The following GABRB1 variants were observed in gnomAD, a reference collection of about 807,000 sequenced individuals.
The protein encoded by GABRB1 is gamma-aminobutyric acid receptor subunit beta-1.
Under a neutral mutation model 51.6 loss-of-function variants are expected in GABRB1, and 17 were observed. The ratio of observed to expected loss-of-function variants is 0.33; its 90% CI spans 0.23 to 0.49. The LOEUF is 0.49. Ranked by LOEUF, GABRB1 falls within the 20% of genes least tolerant of loss-of-function variation. The pLI, the probability that GABRB1 is intolerant of heterozygous loss-of-function variation, is 0.99. For missense variants in GABRB1, 410 were observed against 600.6 expected (o/e 0.68, Z 3.32); for synonymous variants, 247 against 218.9 (o/e 1.13, Z -1.14).
At chr4:47,173,215 G>A (rs1230247773) in intron 4 of GABRB1, among the ~76,000 whole-genome samples, 1 of 152,132 alleles carries the variant, frequency 6.6e-6, no homozygotes, top group Non-Finnish European at 1.5e-5. Flanking sequence ...ATTGAAGAGA[G>A]AAATTTTTTG....
chr4:47,020,033 G>A (rs561198605), intron 1 of GABRB1, among the ~76,000 whole-genome samples: 43 of 151,922 alleles, frequency 2.8e-4, no homozygotes, highest in African/African-American at 8.4e-4. Context: ...CAATCTACCC[G>A]CCTCAGCCTC....
intron 4 of GABRB1, among the ~76,000 whole-genome samples, chr4:47,261,680 T>A (rs1373649998): frequency 1.3e-5 from 2 of 151,770 alleles, no homozygotes; most frequent in Non-Finnish European, 2.9e-5. Context: ...TTCACAGAAT[T>A]GGAAAAAACT....
At chr4:47,162,241 T>C (rs1717988483) in intron 4 of GABRB1, among the ~76,000 whole-genome samples, 2 of 152,062 alleles carry the variant, frequency 1.3e-5, no homozygotes, top group African/African-American at 2.4e-5. Context: ...TCATTAGTTA[T>C]GGTTCATATA....
intron 4 of GABRB1, among the ~76,000 whole-genome samples, chr4:47,298,193 C>T (rs1305368125): frequency 6.6e-6 from 1 of 152,162 alleles, no homozygotes; most frequent in African/African-American, 2.4e-5. Context: ...GACAGGGATG[C>T]CCTCTCTCAC....
At chr4:47,200,534 A>C (rs1719859846) in intron 4 of GABRB1, among the ~76,000 whole-genome samples, 1 of 152,166 alleles carries the variant, frequency 6.6e-6, no homozygotes, top group African/African-American at 2.4e-5. Flanking sequence ...CACACTTTCC[A>C]TTTATAACTA....
intron 4 of GABRB1, among the ~76,000 whole-genome samples, chr4:47,235,082 C>G (rs1290852246): frequency 6.6e-6 from 1 of 152,182 alleles, no homozygotes; most frequent in Non-Finnish European, 1.5e-5. Flanking sequence ...CCTTATTTCT[C>G]CTACCACAAC....
chr4:47,239,793 G>C (rs1721458429), intron 4 of GABRB1, among the ~76,000 whole-genome samples: 1 of 152,200 alleles, frequency 6.6e-6, no homozygotes, highest in African/African-American at 2.4e-5. Flanking sequence ...AGAGTGGATG[G>C]ATGCAGTCGT....
At chr4:47,330,181 C>A (rs964283300) in intron 5 of GABRB1, among the ~76,000 whole-genome samples, 2 of 152,130 alleles carry the variant, frequency 1.3e-5, no homozygotes, top group African/African-American at 4.8e-5. Flanking sequence ...TCAACTCAGG[C>A]CTTCAACTGG....
chr4:47,176,324 G>A (rs1277617798), intron 4 of GABRB1, among the ~76,000 whole-genome samples: 1 of 152,076 alleles, frequency 6.6e-6, no homozygotes, highest in Non-Finnish European at 1.5e-5. Flanking sequence ...ACACATTATA[G>A]AAGGACACAG....
intron 5 of GABRB1, among the ~76,000 whole-genome samples, chr4:47,350,216 T>TAGAGAGAGAGAGAG (rs1215848383): frequency 2.3e-4 from 17 of 73,806 alleles, no homozygotes; most frequent in African/African-American, 9.7e-4. Flanking sequence ...TATATATATA[T>TAGAGAGAGAGAGAG]ATAGAGAGAG....
At chr4:47,359,583 C>T (rs186917899) in intron 5 of GABRB1, among the ~76,000 whole-genome samples, 217 of 152,148 alleles carry the variant, frequency 1.4e-3, no homozygotes, top group African/African-American at 5.0e-3. Flanking sequence ...AATCACAGCA[C>T]CATTATTACA....
At chr4:47,032,267 GT>G in intron 2 of GABRB1, 149 bp from the exon 3 acceptor site, 1 of 807,476 alleles carries the variant, frequency 1.2e-6, no homozygotes, top group Non-Finnish European at 2.0e-6. Flanking sequence ...GCCCACACCT[GT>G]TTTCCCAGGC....
intron 4 of GABRB1, among the ~76,000 whole-genome samples, chr4:47,298,886 C>G (rs1167276589): frequency 1.3e-5 from 2 of 151,854 alleles, no homozygotes; most frequent in Non-Finnish European, 1.5e-5. Context: ...GGTACCAAAA[C>G]AGAGATATAG....
At chr4:47,379,535 G>A (rs908051883) in intron 5 of GABRB1, among the ~76,000 whole-genome samples, 6 of 152,096 alleles carry the variant, frequency 3.9e-5, no homozygotes, top group Admixed American at 6.6e-5. Context: ...TGTATTAAGT[G>A]CATTTTTTAC....
At chr4:47,023,847 G>A (rs1423093118) in intron 1 of GABRB1, among the ~76,000 whole-genome samples, 1 of 151,934 alleles carries the variant, frequency 6.6e-6, no homozygotes, top group Non-Finnish European at 1.5e-5. Context: ...GAGTAAGGGT[G>A]TAAACTAATA....
intron 3 of GABRB1, among the ~76,000 whole-genome samples, chr4:47,114,858 G>A (rs1247485737): frequency 1.3e-5 from 2 of 152,142 alleles, no homozygotes; most frequent in Non-Finnish European, 2.9e-5. Context: ...CTATCTAAGC[G>A]CTGTGTCCTG....
chr4:47,342,582 T>C (rs1014234644), intron 5 of GABRB1, among the ~76,000 whole-genome samples: 4 of 152,168 alleles, frequency 2.6e-5, no homozygotes, highest in Non-Finnish European at 5.9e-5. Context: ...AAAATACAAC[T>C]TATGATTCAA....
chr4:47,003,042 G>A (rs1246355310), intron 1 of GABRB1, among the ~76,000 whole-genome samples: 2 of 151,758 alleles, frequency 1.3e-5, no homozygotes. Context: ...TTTATGGATA[G>A]CATAAGACTC....
chr4:47,382,459 C>T (rs145428489), intron 5 of GABRB1, among the ~76,000 whole-genome samples: 1 of 152,156 alleles, frequency 6.6e-6, no homozygotes, highest in Non-Finnish European at 1.5e-5. Flanking sequence ...TTCTTCTAAG[C>T]GTTTTGATGA....
Sources: allele counts gnomAD v4.1 joint callset (sites outside exome capture counted in the v4.1 genomes callset), GRCh38; gene constraint gnomAD v4.1.1; transcripts MANE v1.5; gene names NCBI Gene and HGNC (gene_info 2026-07-23, HGNC 2026-07-21).